Variants in SMYD3 observed in about 807,000 individuals in gnomAD.
The protein encoded by SMYD3 is histone-lysine N-methyltransferase SMYD3.
SMYD3 carries 36 observed loss-of-function variants against 57.7 expected under a neutral mutation model. The ratio of observed to expected loss-of-function variants is 0.62; its 90% CI spans 0.48 to 0.82. The LOEUF (loss-of-function observed/expected upper bound fraction) is 0.82. Ranked by LOEUF, SMYD3 falls within the 40% of genes least tolerant of loss-of-function variation. SMYD3 has a pLI of 0.00. For missense variants in SMYD3, 515 were observed against 538.8 expected (o/e 0.96, Z 0.44); for synonymous variants, 211 against 195.0 (o/e 1.08, Z -0.68).
At chr1:245,927,517 C>T (rs140257511) in intron 7 of SMYD3, among the ~76,000 whole-genome samples, 1 of 152,158 alleles carries the variant, frequency 6.6e-6, no homozygotes, top group Non-Finnish European at 1.5e-5. Flanking sequence ...AGTGGCCTTC[C>T]GAGTGAAGAA....
At chr1:245,825,725 A>T (rs956609791) in intron 10 of SMYD3, among the ~76,000 whole-genome samples, 2 of 152,116 alleles carry the variant, frequency 1.3e-5, no homozygotes, top group African/African-American at 4.8e-5. Flanking sequence ...TTCACTGAGC[A>T]TGCTGAACAT....
At chr1:245,845,469 G>A (rs990861533) in intron 10 of SMYD3, among the ~76,000 whole-genome samples, 20 of 152,134 alleles carry the variant, frequency 1.3e-4, no homozygotes, top group Non-Finnish European at 2.8e-4. Flanking sequence ...TAGCACACAG[G>A]GGAACTGGAG....
intron 5 of SMYD3, among the ~76,000 whole-genome samples, chr1:246,259,959 G>C (rs952575112): frequency 2.0e-5 from 3 of 152,222 alleles, no homozygotes; most frequent in Non-Finnish European, 4.4e-5. Flanking sequence ...GCTCTGCCTA[G>C]GTGTGTAGTA....
intron 5 of SMYD3, among the ~76,000 whole-genome samples, chr1:246,111,862 T>C (rs933962603): frequency 1.3e-5 from 2 of 152,248 alleles, no homozygotes; most frequent in Admixed American, 6.5e-5. Context: ...TTGCTTATGA[T>C]AGACTTCAAG....
chr1:246,012,078 A>T lies in SMYD3; in HGVS notation c.532-82141T>A, dbSNP rs12077510. 5.2e-3 allele frequency among the ~76,000 whole-genome samples: 792 copies of T among 152,258 alleles called. 5 individuals carry two copies. Among genetic ancestry groups the T allele is most frequent in the African/African-American group, 0.018 (756 of 41,538 alleles). ...CTGGCTACCAACTGCTTGCTCGATGACTGAACATAAGCCAACGACACTAGC... is the reference window on the plus strand; with the variant it reads ...CTGGCTACCAACTGCTTGCTCGATGTCTGAACATAAGCCAACGACACTAGC... On this transcript the variant is annotated intron_variant, in intron 5 of 11. Transcript: ENST00000490107.
intron 5 of SMYD3, among the ~76,000 whole-genome samples, chr1:246,315,018 A>G (rs2065134359): frequency 6.6e-6 from 1 of 152,214 alleles, no homozygotes; most frequent in South Asian, 2.1e-4. Context: ...GGCATTAGAC[A>G]GAACTCAGAA....
At chr1:245,904,049 C>T (rs1300285382) in intron 8 of SMYD3, among the ~76,000 whole-genome samples, 5 of 152,172 alleles carry the variant, frequency 3.3e-5, no homozygotes, top group Non-Finnish European at 7.3e-5. Flanking sequence ...TCTACCACAT[C>T]GTCAGGCTGC....
At chr1:245,817,016 C>A (rs1054025508) in intron 10 of SMYD3, among the ~76,000 whole-genome samples, 2 of 151,094 alleles carry the variant, frequency 1.3e-5, no homozygotes, top group African/African-American at 2.4e-5. Context: ...ACAAAGCAGC[C>A]GGGAAGCTCG....
At chr1:245,775,272 G>T (rs886970976) in intron 10 of SMYD3, among the ~76,000 whole-genome samples, 1 of 151,862 alleles carries the variant, frequency 6.6e-6, no homozygotes, top group African/African-American at 2.4e-5. Context: ...TTGTCGAGTG[G>T]AAGGGGGGAA....
intron 1 of SMYD3, among the ~76,000 whole-genome samples, chr1:246,431,820 T>C (rs543316368): frequency 1.3e-5 from 2 of 152,348 alleles, no homozygotes; most frequent in South Asian, 4.1e-4. Context: ...TGTTTAACTC[T>C]AGGCAACAAG....
Position 246,216,559 on chromosome 1 carries a change from A to C in SMYD3, c.531+110642T>G, listed in dbSNP as rs145106470. 2.0e-3 allele frequency among the ~76,000 whole-genome samples: 297 copies of C among 152,264 alleles called. 3 individuals are homozygous for C. Among genetic ancestry groups the C allele is most frequent in the African/African-American group, 6.8e-3 (283 of 41,518 alleles). Reference sequence around the variant, plus strand: ...GTCTAAGACGTGCTATGGCATTGTTATAAAAGAGAACGTCTTTGTTTTTAG... The same window carrying C: ...GTCTAAGACGTGCTATGGCATTGTTCTAAAAGAGAACGTCTTTGTTTTTAG... On this transcript the variant is annotated intron_variant, in intron 5 of 11. Coordinates refer to ENST00000490107, the MANE Select transcript of SMYD3 (RefSeq NM_001167740.2).
At chr1:246,143,463 TC>T (rs1302168830) in intron 5 of SMYD3, among the ~76,000 whole-genome samples, 1 of 152,170 alleles carries the variant, frequency 6.6e-6, no homozygotes, top group East Asian at 1.9e-4. Context: ...GATAGCTTGT[TC>T]AAGACCAACC....
intron 5 of SMYD3, among the ~76,000 whole-genome samples, chr1:246,219,125 T>C (rs934227874): frequency 2.0e-5 from 3 of 151,974 alleles, no homozygotes; most frequent in Non-Finnish European, 4.4e-5. Context: ...AAAATGGTGG[T>C]CCCCAACAAA....
At chr1:246,255,927 A>AAGAT (rs55974041) in intron 5 of SMYD3, among the ~76,000 whole-genome samples, 23,408 of 120,392 alleles carry the variant, frequency 0.19, 2,075 homozygotes, top group African/African-American at 0.2. Context: ...CATAACTAAT[A>AAGAT]AGATAGATAG....
chr1:246,205,113 G>C (rs2062977874), intron 5 of SMYD3, among the ~76,000 whole-genome samples: 1 of 152,150 alleles, frequency 6.6e-6, no homozygotes, highest in African/African-American at 2.4e-5. Flanking sequence ...ACTCCAGAAG[G>C]GTGGAGTCTA....
At chr1:246,285,233 A>C (rs1200589895) in intron 5 of SMYD3, among the ~76,000 whole-genome samples, 2 of 152,180 alleles carry the variant, frequency 1.3e-5, no homozygotes, top group African/African-American at 4.8e-5. Context: ...TCCATTCCTC[A>C]GTTACTTCAC....
intron 2 of SMYD3, among the ~76,000 whole-genome samples, chr1:246,347,160 A>C (rs939101715): frequency 1.3e-5 from 2 of 152,194 alleles, no homozygotes; most frequent in Non-Finnish European, 2.9e-5. Flanking sequence ...TAAAAAAAAA[A>C]CAGAATATCC....
At chr1:245,845,703 A>G (rs1196673971) in intron 10 of SMYD3, among the ~76,000 whole-genome samples, 1 of 152,246 alleles carries the variant, frequency 6.6e-6, no homozygotes, top group Non-Finnish European at 1.5e-5. Flanking sequence ...TCCCCAGTGC[A>G]TAACATAATG....
chr1:245,816,683 G>A (rs2048821470), intron 10 of SMYD3, among the ~76,000 whole-genome samples: 1 of 151,982 alleles, frequency 6.6e-6, no homozygotes, highest in Admixed American at 6.5e-5. Flanking sequence ...ACAGGTCAGT[G>A]GGTGCGCGCA....
Sources: allele counts gnomAD v4.1 joint callset (sites outside exome capture counted in the v4.1 genomes callset), GRCh38; gene constraint gnomAD v4.1.1; transcripts MANE v1.5; gene names NCBI Gene and HGNC (gene_info 2026-07-23, HGNC 2026-07-21).